Variants in TNRC6B observed in about 807,000 individuals in gnomAD.
TNRC6B encodes trinucleotide repeat-containing gene 6B protein.
Under a neutral mutation model 203.6 loss-of-function variants are expected in TNRC6B, and 52 were observed. The observed-to-expected ratio is 0.26, with a 90% CI of 0.20 to 0.32. The LOEUF (loss-of-function observed/expected upper bound fraction) is 0.32. Ranked by LOEUF, TNRC6B falls within the 10% of genes least tolerant of loss-of-function variation. TNRC6B has a pLI of 1.00. For missense variants in TNRC6B, 1,923 were observed against 2,286.2 expected, an observed-to-expected ratio of 0.84 and a Z score of 3.24; for synonymous variants, 838 against 845.7, an observed-to-expected ratio of 0.99 and a Z score of 0.16.
intron 4 of TNRC6B, among the ~76,000 whole-genome samples, chr22:40,163,288 C>G (rs2068885800): frequency 6.7e-6 from 1 of 149,454 alleles, no homozygotes; most frequent in Admixed American, 6.7e-5. Context: ...TTGTTGTGTG[C>G]CGGTAGTTCC....
intron 1 of TNRC6B, among the ~76,000 whole-genome samples, chr22:40,230,390 A>G (rs948314380): frequency 6.6e-6 from 1 of 151,106 alleles, no homozygotes; most frequent in Non-Finnish European, 1.5e-5. Context: ...CCCAGGCTCA[A>G]GCAATTTCTC....
intron 12 of TNRC6B, among the ~76,000 whole-genome samples, chr22:40,289,204 G>A (rs1232840458): frequency 2.0e-5 from 3 of 152,022 alleles, no homozygotes; most frequent in Admixed American, 6.6e-5. Flanking sequence ...GATAGATTGA[G>A]TCTGGGAGGC....
intron 1 of TNRC6B, among the ~76,000 whole-genome samples, chr22:40,212,356 C>T (rs1359692063): frequency 1.3e-5 from 2 of 152,262 alleles, no homozygotes; most frequent in African/African-American, 4.8e-5. Context: ...ACGTGGCCCT[C>T]ACTGGAAAGC....
intron 3 of TNRC6B, among the ~76,000 whole-genome samples, chr22:40,154,870 T>TATAC (rs2068803799): frequency 2.7e-5 from 1 of 37,168 alleles, no homozygotes; most frequent in African/African-American, 2.1e-4. Context: ...AATATATATA[T>TATAC]ATATATATAT....
chr22:40,297,275 A>G (rs1425265339), intron 12 of TNRC6B, among the ~76,000 whole-genome samples: 1 of 152,192 alleles, frequency 6.6e-6, no homozygotes, highest in African/African-American at 2.4e-5. Flanking sequence ...ATCGTTTCAT[A>G]TTGAAAGGAA....
chr22:40,127,967 G>A (rs2068508762), intron 3 of TNRC6B, among the ~76,000 whole-genome samples: 1 of 152,150 alleles, frequency 6.6e-6, no homozygotes, highest in Admixed American at 6.5e-5. Flanking sequence ...AATTAGACTG[G>A]TATAGAATAT....
intron 4 of TNRC6B, among the ~76,000 whole-genome samples, chr22:40,171,031 T>A (rs576099929): frequency 4.0e-5 from 3 of 74,532 alleles, no homozygotes; most frequent in Admixed American, 1.2e-4. Context: ...CATATACACC[T>A]ATATAGGTGT....
intron 1 of TNRC6B, among the ~76,000 whole-genome samples, chr22:40,202,249 G>GTTGTTTTTTTGTTT (rs61208521): frequency 0.35 from 49,731 of 141,696 alleles, 12,374 homozygotes; most frequent in African/African-American, 0.72. Context: ...ATGTGTTGTT[G>GTTGTTTTTTTGTTT]TTGTTTTTTT....
At chr22:40,250,460 TTTC>T (rs903824558) in intron 2 of TNRC6B, among the ~76,000 whole-genome samples, 25 of 146,660 alleles carry the variant, frequency 1.7e-4, no homozygotes, top group African/African-American at 5.9e-4. Context: ...AAAGAAATAC[TTTC>T]TTTTTTTTTT....
At chr22:40,063,142 G>A (rs2067868442) in intron 1 of TNRC6B, among the ~76,000 whole-genome samples, 1 of 151,838 alleles carries the variant, frequency 6.6e-6, no homozygotes, top group Non-Finnish European at 1.5e-5. Context: ...TTTTGCATGG[G>A]GATATATAGT....
At position 40,321,236 on chromosome 22, in the gene TNRC6B, A is replaced by T. The variant is rs932427157; in HGVS notation, c.5114+7A>T. ...CCCAAACTGCACTGCACATGTGAGT[A>T]TTCGGTCCTACACCCACGTAGACAA... On this transcript the variant is annotated splice_region_variant and intron_variant, in intron 22 of 22. Transcript: ENST00000454349. 1 of 1,613,510 alleles carries T rather than the reference A, an allele frequency of 6.2e-7. No homozygotes were observed. The highest frequency in any genetic ancestry group is 1.3e-5 in the African/African-American group (1 of 74,944).
At chr22:40,270,014 T>G in intron 5 of TNRC6B, 108 bp from the exon 6 acceptor site, 1 of 1,110,130 alleles carries the variant, frequency 9.0e-7, no homozygotes, top group Non-Finnish European at 1.2e-6. Flanking sequence ...CTATTTACAT[T>G]TCTACCAACA....
At chr22:40,091,075 G>A (rs1480435885) in intron 1 of TNRC6B, among the ~76,000 whole-genome samples, 6 of 152,152 alleles carry the variant, frequency 3.9e-5, no homozygotes, top group African/African-American at 7.2e-5. Flanking sequence ...TTCGCCTCCC[G>A]GGTTCACGCC....
intron 1 of TNRC6B, among the ~76,000 whole-genome samples, chr22:40,210,485 G>GTA (rs1453910037): frequency 6.6e-6 from 1 of 152,198 alleles, no homozygotes; most frequent in Non-Finnish European, 1.5e-5. Flanking sequence ...AAGGGAGTTT[G>GTA]TATATCAGTT....
At chr22:40,159,508 G>A (rs1259296025) in intron 4 of TNRC6B, among the ~76,000 whole-genome samples, 4 of 151,092 alleles carry the variant, frequency 2.6e-5, no homozygotes, top group South Asian at 2.1e-4. Flanking sequence ...GCATGGTGGC[G>A]GGCGCCTGTA....
intron 1 of TNRC6B, among the ~76,000 whole-genome samples, chr22:40,193,844 C>T (rs908500409): frequency 1.3e-5 from 2 of 150,640 alleles, no homozygotes; most frequent in Non-Finnish European, 3.0e-5. Context: ...TGTGGAACAG[C>T]GCCACCCACC....
At chr22:40,108,839 A>C (rs2068308664) in intron 1 of TNRC6B, among the ~76,000 whole-genome samples, 1 of 152,214 alleles carries the variant, frequency 6.6e-6, no homozygotes, top group African/African-American at 2.4e-5. Context: ...ATAGGTAAAC[A>C]TGTGCCATGG....
chr22:40,293,929 A>AGT (rs995615692), intron 12 of TNRC6B, among the ~76,000 whole-genome samples: 1 of 151,084 alleles, frequency 6.6e-6, no homozygotes, highest in Non-Finnish European at 1.5e-5. Flanking sequence ...TTATGACCAA[A>AGT]GTGTCTGCTC....
intron 1 of TNRC6B, among the ~76,000 whole-genome samples, chr22:40,065,977 C>T (rs5995803): frequency 1.3e-4 from 20 of 152,234 alleles, no homozygotes; most frequent in African/African-American, 4.8e-4. Flanking sequence ...TTGAACTCAG[C>T]TGAATACTCA....
Sources: gnomAD v4.1 joint callset for allele counts (sites outside exome capture counted in the v4.1 genomes callset) on GRCh38, gnomAD v4.1.1 for gene constraint, MANE v1.5 for transcripts, NCBI Gene and HGNC (gene_info 2026-07-23, HGNC 2026-07-21) for gene names.